NPIPB2: variants seen among roughly 807,000 people sequenced by gnomAD.
The protein encoded by NPIPB2 is nuclear pore complex interacting protein family member B2.
NPIPB2 carries 27 observed loss-of-function variants against 30.8 expected under a neutral mutation model. The observed-to-expected ratio is 0.88, with a 90% CI of 0.65 to 1.21. NPIPB2 has a LOEUF of 1.21. Among genes scored for constraint, NPIPB2 ranks in the 50% most tolerant of loss-of-function variants. The pLI is 0.00. For missense variants in NPIPB2, 440 were observed against 446.2 expected, an observed-to-expected ratio of 0.99 and a Z score of 0.13; for synonymous variants, 147 against 162.0, an observed-to-expected ratio of 0.91 and a Z score of 0.70.
intron 1 of NPIPB2, among the ~76,000 whole-genome samples, chr16:11,952,712 G>A (rs908471530): frequency 6.6e-5 from 10 of 151,552 alleles, no homozygotes; most frequent in Admixed American, 3.3e-4. Flanking sequence ...CTACAGGCAC[G>A]TGCCACCATG....
At chr16:11,972,332 A>G (rs1444059181) in intron 1 of NPIPB2, among the ~76,000 whole-genome samples, 1 of 151,790 alleles carries the variant, frequency 6.6e-6, no homozygotes, top group Non-Finnish European at 1.5e-5. Context: ...TTCCAGCACT[A>G]TGGGAGGCCG....
intron 4 of NPIPB2, among the ~76,000 whole-genome samples, chr16:11,931,921 T>C (rs2054794665): frequency 6.6e-6 from 1 of 151,266 alleles, no homozygotes; most frequent in African/African-American, 2.4e-5. Flanking sequence ...ATTGCTGAAT[T>C]CCAGAAGGAA....
intron 1 of NPIPB2, among the ~76,000 whole-genome samples, chr16:11,964,227 T>C (rs1269579028): frequency 1.4e-5 from 2 of 147,142 alleles, no homozygotes; most frequent in Admixed American, 7.0e-5. Flanking sequence ...ATTTTTAAAA[T>C]GGTTTTATCT....
upstream of NPIPB2, among the ~76,000 whole-genome samples, chr16:11,944,798 A>G (rs1257999444): frequency 1.3e-5 from 2 of 151,694 alleles, no homozygotes; most frequent in African/African-American, 4.8e-5. Flanking sequence ...TACAAAAGAA[A>G]TAAAATACAT....
At chr16:11,967,800 G>C in intron 1 of NPIPB2, 1 of 1,614,196 alleles carries the variant, frequency 6.2e-7, no homozygotes, top group Non-Finnish European at 8.5e-7. Context: ...GAGCCTGCCA[G>C]CTGCTTTGAG....
At position 11,933,837 on chromosome 16, in the gene NPIPB2, G is replaced by C. The variant is rs749912298; in HGVS notation, c.280C>G (p.Arg94Gly). 2.5e-6 allele frequency: 4 copies of C among 1,585,750 alleles called. No individual in the cohort carries two copies. In the South Asian group the frequency reaches 3.3e-5, roughly 13 times the overall value. ...AACAGAGCCATACCTTCCTGTCTACGGCGGTTGGACCTCCTGGCTCTCTGC... is the reference window on the plus strand; with the variant it reads ...AACAGAGCCATACCTTCCTGTCTACCGCGGTTGGACCTCCTGGCTCTCTGC... Residue 94 changes from arginine to glycine, a missense_variant, in exon 3 of 8, where the codon CGT (arginine) becomes GGT (glycine). Around this residue, in one of 3 missense-constraint regions of NPIPB2, gnomAD observed 252 missense variants for 233.0 expected, o/e 1.08. Transcript: ENST00000399147.
intron 1 of NPIPB2, chr16:11,967,914 C>G: frequency 6.5e-7 from 1 of 1,540,874 alleles, no homozygotes; most frequent in Non-Finnish European, 8.8e-7. Context: ...TGTGTCAGAT[C>G]TCTTTAGGAT....
chr16:11,968,269 G>A (rs1157295480), intron 1 of NPIPB2, among the ~76,000 whole-genome samples: 1 of 152,130 alleles, frequency 6.6e-6, no homozygotes, highest in Non-Finnish European at 1.5e-5. Context: ...CTGAGGTCAG[G>A]AATTTGAGAC....
chr16:11,971,139 A>G (rs11864397), intron 1 of NPIPB2, among the ~76,000 whole-genome samples: 17,637 of 144,784 alleles, frequency 0.12, 1,489 homozygotes, highest in African/African-American at 0.22. Context: ...TTACAGGCAT[A>G]AGCCACCACG....
chr16:11,949,702 G>A (rs1478729232), intron 1 of NPIPB2, among the ~76,000 whole-genome samples: 4 of 152,186 alleles, frequency 2.6e-5, no homozygotes, highest in Admixed American at 2.6e-4. Flanking sequence ...CAGCCTCTCA[G>A]AGCCTTATGG....
At position 11,951,619 on chromosome 16, in the gene NPIPB2, TACACATACACAC is replaced by T. The variant is rs1232216466; in HGVS notation, c.-583-9517_-583-9506del. On this transcript the variant is annotated intron_variant, in intron 1 of 5. Coordinates refer to the NPIPB2 transcript ENST00000538896. ...CACTGATACAGATGGACACTGCACA[TACACATACACAC>T]ACACACACACACACACACACACACA... Among the ~76,000 whole-genome samples the T allele has an allele frequency of 3.8e-3, 445 of 115,910 alleles. 6 individuals are homozygous for T. Among genetic ancestry groups the T allele is most frequent in the African/African-American group, 0.013 (419 of 31,088 alleles). 76.0% of individuals were successfully genotyped at this position (115,910 alleles called of 152,430 possible).
chr16:11,964,818 A>C (rs890475787), intron 1 of NPIPB2, among the ~76,000 whole-genome samples: 5 of 152,128 alleles, frequency 3.3e-5, no homozygotes, highest in African/African-American at 1.2e-4. Flanking sequence ...TTGCCTTTTG[A>C]CTCCCAAAGT....
intron 1 of NPIPB2, among the ~76,000 whole-genome samples, chr16:11,974,640 A>G (rs1439107124): frequency 1.3e-5 from 2 of 152,228 alleles, no homozygotes; most frequent in African/African-American, 4.8e-5. Context: ...TTTTTAAAAC[A>G]TCTCCTTAAG....
chr16:11,945,246 T>C (rs967555944), upstream of NPIPB2, among the ~76,000 whole-genome samples: 1 of 151,818 alleles, frequency 6.6e-6, no homozygotes, highest in Non-Finnish European at 1.5e-5. Flanking sequence ...GCCAATGAGA[T>C]AGTGTGTGCT....
chr16:11,966,484 C>G, intron 1 of NPIPB2: 1 of 862,088 alleles, frequency 1.2e-6, no homozygotes, highest in Non-Finnish European at 1.7e-6. Context: ...ATTAAATGAA[C>G]TTGGTAGAGG....
chr16:11,975,070 G>A (rs763261729), intron 1 of NPIPB2, among the ~76,000 whole-genome samples: 4 of 141,274 alleles, frequency 2.8e-5, no homozygotes, highest in African/African-American at 7.9e-5. Context: ...GCGAGATGCC[G>A]TCTCAAAAAC....
chr16:11,933,488 A>G, intron 4 of NPIPB2, 29 bp downstream of exon 4: 1 of 1,596,606 alleles, frequency 6.3e-7, no homozygotes, highest in African/African-American at 1.3e-5. Context: ...TGGTTCATAC[A>G]ACAATATTTG....
chr16:11,960,353 C>CTTT (rs35099223), intron 1 of NPIPB2, among the ~76,000 whole-genome samples: 10 of 126,364 alleles, frequency 7.9e-5, no homozygotes, highest in East Asian at 2.5e-4. Flanking sequence ...GTATGGTTCC[C>CTTT]TTTTTTTTTT....
At chr16:11,935,246 T>A (rs2150911960) in intron 2 of NPIPB2, among the ~76,000 whole-genome samples, 1 of 152,138 alleles carries the variant, frequency 6.6e-6, no homozygotes, top group Non-Finnish European at 1.5e-5. Flanking sequence ...GTTCTCATCA[T>A]AGCTAAAATG....
Sources: gnomAD v4.1 joint callset for allele counts (sites outside exome capture counted in the v4.1 genomes callset) on GRCh38, gnomAD v4.1.1 for gene constraint, gnomAD v4.1.1 regional missense constraint, MANE v1.5 for transcripts, NCBI Gene and HGNC (gene_info 2026-07-23, HGNC 2026-07-21) for gene names.